Variants in RCSD1 observed in about 807,000 individuals in gnomAD.
The protein encoded by RCSD1 is capZ-interacting protein.
In RCSD1, 26 loss-of-function variants were observed where a neutral mutation model predicts 42.5. The observed-to-expected ratio is 0.61, with a 90% CI of 0.45 to 0.85. The LOEUF is 0.85. Among genes scored for constraint, RCSD1 ranks in the 40% least tolerant of loss-of-function variants. The pLI is 0.00. For synonymous variants in RCSD1, 220 were observed against 212.2 expected (o/e 1.04, Z -0.32); for missense variants, 571 against 528.3 (o/e 1.08, Z -0.79).
intron 1 of RCSD1, among the ~76,000 whole-genome samples, chr1:167,679,030 C>G (rs1260790970): frequency 6.6e-6 from 1 of 152,206 alleles, no homozygotes; most frequent in Non-Finnish European, 1.5e-5. Flanking sequence ...CTGTTTATTG[C>G]TGAAGTAGCA....
intron 1 of RCSD1, among the ~76,000 whole-genome samples, chr1:167,631,647 G>A (rs1308894122): frequency 6.6e-6 from 1 of 152,148 alleles, no homozygotes; most frequent in East Asian, 1.9e-4. Flanking sequence ...ACCATGCCTG[G>A]CTAGTTTTAA....
intron 1 of RCSD1, among the ~76,000 whole-genome samples, chr1:167,660,133 G>A (rs1658507808): frequency 6.6e-6 from 1 of 152,174 alleles, no homozygotes; most frequent in South Asian, 2.1e-4. Flanking sequence ...TGTGTGCCAA[G>A]CTCTGTGTTA....
intron 1 of RCSD1, among the ~76,000 whole-genome samples, chr1:167,654,249 G>A (rs1291614165): frequency 2.0e-5 from 3 of 152,218 alleles, no homozygotes; most frequent in East Asian, 3.8e-4. Context: ...AAGAAGTCCA[G>A]TGTGCCATTG....
In RCSD1 at chr1:167,697,284, T is replaced by A; in HGVS notation, c.660T>A (p.Ser220Arg). The change falls in exon 6 of 7, where the codon AGT becomes AGA. Residue 220 changes from serine (S) to arginine (R), a missense_variant. By Grantham distance (110) the Ser-to-Arg change is moderately radical. Transcript: ENST00000367854. ...AGGCCCCAGGATCCCCTTTGTCCAG[T>A]GAGGGAGCAGCGGGAGAGGGAGTGA... Reference protein sequence around the residue: ...KSKAPGSPLSSEGAAGEGVRT... With the variant: ...KSKAPGSPLSREGAAGEGVRT... 4 of 1,613,914 alleles carry A rather than the reference T, an allele frequency of 2.5e-6. No individual in the cohort carries two copies. Among genetic ancestry groups the A allele is most frequent in the Non-Finnish European group, 3.4e-6 (4 of 1,179,976 alleles).
chr1:167,697,291 G>A lies in RCSD1; in HGVS notation c.667G>A (p.Ala223Thr). Residue 223 changes from alanine (A) to threonine (T), a missense_variant, in exon 6 of 7, where the codon GCA becomes ACA. By Grantham distance (58) the Ala-to-Thr change is moderately conservative (BLOSUM62 0). Transcript: ENST00000367854. Reference protein sequence around the residue: ...APGSPLSSEGAAGEGVRTLGP... With the variant: ...APGSPLSSEGTAGEGVRTLGP... ...AGGATCCCCTTTGTCCAGTGAGGGAGCAGCGGGAGAGGGAGTGAGAACCCT... is the reference window on the plus strand; with the variant it reads ...AGGATCCCCTTTGTCCAGTGAGGGAACAGCGGGAGAGGGAGTGAGAACCCT... The A allele has an allele frequency of 6.2e-7, 1 of 1,614,184 alleles. No homozygotes were observed. The highest frequency in any genetic ancestry group is 1.3e-5 in the African/African-American group (1 of 75,046).
In RCSD1 at chr1:167,646,649, A is replaced by C. The variant is rs142002218; in HGVS notation, c.6+16220A>C. On this transcript the variant is annotated intron_variant, in intron 1 of 6. Coordinates refer to ENST00000367854, the MANE Select transcript of RCSD1 (RefSeq NM_052862.4). ...CATCTAGGTTTTAAGCCCCACATGC[A>C]TTAGCTATTGTCCTGATGCTCGAGT... Among the ~76,000 whole-genome samples, 275 of 152,210 alleles carry C rather than the reference A, an allele frequency of 1.8e-3. 7 individuals are homozygous for C. The East Asian group carries it at 0.046, about 25-fold the overall frequency.
At chr1:167,693,548 C>A (rs1209120900) in intron 4 of RCSD1, among the ~76,000 whole-genome samples, 1 of 152,236 alleles carries the variant, frequency 6.6e-6, no homozygotes, top group Non-Finnish European at 1.5e-5. Context: ...AAGAGGGAAC[C>A]TGATACCTGG....
chr1:167,661,402 G>T (rs577402475), intron 1 of RCSD1, among the ~76,000 whole-genome samples: 2 of 152,224 alleles, frequency 1.3e-5, no homozygotes, highest in African/African-American at 2.4e-5. Flanking sequence ...TAGGCTGATC[G>T]CAGACAGACA....
chr1:167,668,520 C>T (rs950079709), intron 1 of RCSD1, among the ~76,000 whole-genome samples: 3 of 152,122 alleles, frequency 2.0e-5, no homozygotes, highest in Admixed American at 2.0e-4. Flanking sequence ...GTCACCTGCT[C>T]TCCTAAAACC....
At chr1:167,632,917 C>A (rs1657742861) in intron 1 of RCSD1, among the ~76,000 whole-genome samples, 1 of 152,148 alleles carries the variant, frequency 6.6e-6, no homozygotes, top group Non-Finnish European at 1.5e-5. Flanking sequence ...GCATGATATG[C>A]AGGAGTTGGA....
At chr1:167,676,058 G>A (rs771775690) in intron 1 of RCSD1, among the ~76,000 whole-genome samples, 10 of 152,174 alleles carry the variant, frequency 6.6e-5, no homozygotes, top group Admixed American at 1.3e-4. Flanking sequence ...CCTGTTCTAA[G>A]CATTTCACCT....
chr1:167,704,730 C>T lies in RCSD1; in HGVS notation c.*34C>T, dbSNP rs1558097414. The T allele has an allele frequency of 1.9e-6, 3 of 1,604,056 alleles. No homozygotes were observed. In the African/African-American group the frequency reaches 4.0e-5, roughly 21 times the overall value. Reference sequence around the variant, plus strand: ...TCATTGTGCCCCAGTGATGAAGTTGCTGGACACATCTCTTTGCAGGTAGCA... The same window carrying T: ...TCATTGTGCCCCAGTGATGAAGTTGTTGGACACATCTCTTTGCAGGTAGCA... On this transcript the variant is annotated 3_prime_UTR_variant, in exon 7 of 7. Coordinates refer to ENST00000367854, the MANE Select transcript of RCSD1 (RefSeq NM_052862.4).
chr1:167,685,105 G>A (rs1022900408), intron 2 of RCSD1, among the ~76,000 whole-genome samples: 1 of 152,202 alleles, frequency 6.6e-6, no homozygotes, highest in Non-Finnish European at 1.5e-5. Flanking sequence ...GGCACTGCCT[G>A]AAAACTGAAT....
intron 1 of RCSD1, among the ~76,000 whole-genome samples, chr1:167,656,769 C>G (rs1171162311): frequency 6.6e-6 from 1 of 152,192 alleles, no homozygotes; most frequent in Non-Finnish European, 1.5e-5. Context: ...GGCATGGAAA[C>G]AAGCTACAAA....
At chr1:167,703,671 A>G (rs1480320485) in intron 6 of RCSD1, among the ~76,000 whole-genome samples, 1 of 152,176 alleles carries the variant, frequency 6.6e-6, no homozygotes, top group East Asian at 1.9e-4. Flanking sequence ...AATGGAGTTC[A>G]TGCTCCTCCA....
At chr1:167,703,389 C>T (rs1659688333) in intron 6 of RCSD1, among the ~76,000 whole-genome samples, 2 of 152,204 alleles carry the variant, frequency 1.3e-5, no homozygotes, top group Admixed American at 1.3e-4. Flanking sequence ...CACAGTGCCT[C>T]ACACCTGTGA....
At chr1:167,679,389 T>A (rs1659026166) in intron 1 of RCSD1, among the ~76,000 whole-genome samples, 1 of 152,182 alleles carries the variant, frequency 6.6e-6, no homozygotes, top group Non-Finnish European at 1.5e-5. Flanking sequence ...ACCCTTTCCA[T>A]CCTCCTAGGA....
rs140531524 is a variant in RCSD1, at chr1:167,704,680, A to G, written c.1235A>G (p.Gln412Arg). 3.3e-4 allele frequency: 527 copies of G among 1,613,042 alleles called. 7 individuals are homozygous for G. In the South Asian group the frequency reaches 4.2e-3, roughly 13 times the overall value. ...TGTTCACAGGATGACACTCCTGTCC[A>G]GGACACTAAAATGTGAAGAACAGCT... ...VPKPEDDTPVQDTKM is the reference protein window; with the variant it reads ...VPKPEDDTPVRDTKM Residue 412 changes from glutamine (Q) to arginine (R), a missense_variant, in exon 7 of 7, where the codon CAG (glutamine) becomes CGG (arginine). Transcript: ENST00000367854.
intron 3 of RCSD1, among the ~76,000 whole-genome samples, chr1:167,688,832 C>T (rs1040162701): frequency 9.2e-5 from 14 of 152,196 alleles, no homozygotes; most frequent in African/African-American, 3.1e-4. Flanking sequence ...ACACATTGGT[C>T]TCCACACTAT....
Sources: allele counts gnomAD v4.1 joint callset (sites outside exome capture counted in the v4.1 genomes callset), GRCh38; gene constraint gnomAD v4.1.1; transcripts MANE v1.5; gene names NCBI Gene and HGNC (gene_info 2026-07-23, HGNC 2026-07-21).